The following TMEM38A variants were observed in gnomAD, a reference collection of about 807,000 sequenced individuals.
The protein encoded by TMEM38A is transmembrane protein 38A, also known as trimeric intracellular cation channel type A.
Under a neutral mutation model 28.6 loss-of-function variants are expected in TMEM38A, and 17 were observed. The ratio of observed to expected loss-of-function variants is 0.60; its 90% CI spans 0.41 to 0.89. The LOEUF (loss-of-function observed/expected upper bound fraction) is 0.89. TMEM38A is among the 40% of genes least tolerant of loss of function. TMEM38A has a pLI of 0.00. For synonymous variants in TMEM38A, 169 were observed against 166.1 expected (o/e 1.02, Z -0.14); for missense variants, 328 against 393.1 (o/e 0.83, Z 1.40).
At chr19:16,664,459 G>A (rs977810763) in intron 1 of TMEM38A, among the ~76,000 whole-genome samples, 5 of 152,164 alleles carry the variant, frequency 3.3e-5, no homozygotes, top group South Asian at 2.1e-4. Flanking sequence ...GTGAGGTGTC[G>A]GATTGAACTG....
intron 5 of TMEM38A, among the ~76,000 whole-genome samples, chr19:16,687,019 C>G (rs543855073): frequency 6.6e-6 from 1 of 152,270 alleles, no homozygotes; most frequent in South Asian, 2.1e-4. Flanking sequence ...AATGCAGTAC[C>G]ATAGACTGGG....
chr19:16,669,843 G>T (rs1238163381), intron 1 of TMEM38A, among the ~76,000 whole-genome samples: 2 of 152,186 alleles, frequency 1.3e-5, no homozygotes, highest in Non-Finnish European at 2.9e-5. Context: ...ATGAGGCATT[G>T]ACCCCTGAAA....
intron 1 of TMEM38A, among the ~76,000 whole-genome samples, chr19:16,668,134 G>A (rs1211492205): frequency 6.6e-6 from 1 of 152,048 alleles, no homozygotes; most frequent in East Asian, 1.9e-4. Context: ...ACTTAAACCT[G>A]CGAGGCGGAG....
At position 16,680,479 on chromosome 19, in the gene TMEM38A, A is replaced by T. The variant is rs769596795; in HGVS notation, c.364A>T (p.Lys122Ter). 10 of 1,614,002 alleles carry T rather than the reference A, an allele frequency of 6.2e-6. No individual in the cohort carries two copies. Among genetic ancestry groups the T allele is most frequent in the Non-Finnish European group, 8.5e-6 (10 of 1,180,028 alleles). The change falls in exon 3 of 6, where the codon AAG (lysine) becomes TAG (stop). Residue 122 changes from lysine (K) to a stop codon, truncating the protein, a stop_gained. Transcript: ENST00000187762. LOFTEE classifies it high-confidence loss of function. The part of the protein sequence containing the change: ...LPVKLIFVAM[K>*]EVVRVRKIAV... ...TGTGAAACTCATCTTCGTGGCCATGAAGGAGGTGGTGCGAGTCCGCAAGAT... is the reference window on the plus strand; with the variant it reads ...TGTGAAACTCATCTTCGTGGCCATGTAGGAGGTGGTGCGAGTCCGCAAGAT...
Position 16,686,197 on chromosome 19 carries a change from G to A in TMEM38A, c.555-91G>A, listed in dbSNP as rs1055967387. ...AGAAAAGAGAGAAGCTGGGATGGGA[G>A]CTGGTGCCAGGGCAGGGGGGTGTCT... On this transcript the variant is annotated intron_variant, in intron 4 of 5. Coordinates refer to ENST00000187762, the MANE Select transcript of TMEM38A (RefSeq NM_024074.4). 7.2e-6 allele frequency: 6 copies of A among 838,890 alleles called. No homozygotes were observed. In the African/African-American group the frequency reaches 1.0e-4, roughly 14 times the overall value. 52.0% of individuals were successfully genotyped at this position (838,890 alleles called of 1,614,324 possible). A position where few individuals can be genotyped will look rare whatever the true frequency, so the allele number is the denominator to read the frequency against.
rs768654488 is a variant in TMEM38A at position 16,680,470 on chromosome 19, G to A, written c.355G>A (p.Val119Met). ...VCFLPVKLIFVAMKEVVRVRK... is the reference protein window; with the variant it reads ...VCFLPVKLIFMAMKEVVRVRK... ...CTTCCTGCCTGTGAAACTCATCTTC[G>A]TGGCCATGAAGGAGGTGGTGCGAGT... Residue 119 changes from valine to methionine, a missense_variant, in exon 3 of 6, where the codon GTG becomes ATG. Physicochemically the swap from Val to Met is conservative, Grantham distance 21. Transcript: ENST00000187762. 24 of 1,613,970 alleles carry A rather than the reference G, an allele frequency of 1.5e-5. No homozygotes were observed. The Admixed American group carries it at 2.7e-4, about 18-fold the overall frequency.
chr19:16,687,074 C>A (rs2086804959), intron 5 of TMEM38A, among the ~76,000 whole-genome samples: 1 of 152,152 alleles, frequency 6.6e-6, no homozygotes, highest in African/African-American at 2.4e-5. Flanking sequence ...GGCACGGGGG[C>A]TCATGCCAAC....
chr19:16,680,341 C>T, intron 2 of TMEM38A, 56 bp from the exon 3 acceptor site: 2 of 1,593,524 alleles, frequency 1.3e-6, no homozygotes, highest in South Asian at 1.1e-5. Context: ...CAGCTCCCTA[C>T]CCCCATCCTT....
chr19:16,688,078 C>T, intron 5 of TMEM38A, 66 bp from the exon 6 acceptor site: 1 of 1,190,832 alleles, frequency 8.4e-7, no homozygotes. Context: ...CTGCCCTCCA[C>T]TCCTTTGCTT....
intron 1 of TMEM38A, among the ~76,000 whole-genome samples, chr19:16,673,441 CTG>C (rs1435212465): frequency 6.6e-6 from 1 of 152,190 alleles, no homozygotes; most frequent in African/African-American, 2.4e-5. Context: ...TACTAAGAGA[CTG>C]TTGATTTCAC....
In TMEM38A at chr19:16,661,724, C is replaced by T. The variant is rs974648709; in HGVS notation, c.124+383C>T. ...TCTGGCCGCGCGCAGGTGTGACCTC[C>T]CTCCTTGACCTTGGCACGCGGATTG... On this transcript the variant is annotated intron_variant, in intron 1 of 5. Transcript: ENST00000187762. The surrounding 1 kb of genome is among the most constrained non-coding windows in gnomAD (Gnocchi z 6.5). Among the ~76,000 whole-genome samples, 2 of 151,484 alleles carry T rather than the reference C, an allele frequency of 1.3e-5. No homozygotes were observed. Among genetic ancestry groups the T allele is most frequent in the Non-Finnish European group, 2.9e-5 (2 of 67,992 alleles).
chr19:16,685,087 A>AAATAAATAAAT (rs1568317225), intron 4 of TMEM38A, among the ~76,000 whole-genome samples: 4 of 103,284 alleles, frequency 3.9e-5, no homozygotes, highest in African/African-American at 2.5e-4. Flanking sequence ...AATAAATAAA[A>AAATAAATAAAT]CGAAATCAGC....
chr19:16,663,590 G>A (rs1461309413), intron 1 of TMEM38A, among the ~76,000 whole-genome samples: 3 of 150,454 alleles, frequency 2.0e-5, no homozygotes, highest in Non-Finnish European at 4.4e-5. Context: ...GTGCGGTGGC[G>A]CCGCCTCTGC....
intron 1 of TMEM38A, among the ~76,000 whole-genome samples, chr19:16,676,087 G>A (rs1306188351): frequency 6.7e-6 from 1 of 149,696 alleles, no homozygotes; most frequent in African/African-American, 2.6e-5. Flanking sequence ...TTGGCCGGGC[G>A]CGGTGGCTCA....
chr19:16,682,325 A>G, intron 3 of TMEM38A, 96 bp from the exon 4 acceptor site: 1 of 962,130 alleles, frequency 1.0e-6, no homozygotes. Context: ...TCTAGAGAAG[A>G]TTCTGGGAGT....
chr19:16,685,950 G>C (rs2086799895), intron 4 of TMEM38A, among the ~76,000 whole-genome samples: 1 of 152,184 alleles, frequency 6.6e-6, no homozygotes, highest in South Asian at 2.1e-4. Context: ...ATCACTTGAG[G>C]CCAGGAGTTC....
intron 1 of TMEM38A, among the ~76,000 whole-genome samples, chr19:16,671,420 C>G (rs113321467): frequency 6.6e-6 from 1 of 151,954 alleles, no homozygotes; most frequent in Non-Finnish European, 1.5e-5. Flanking sequence ...CCAGGCTGGT[C>G]TCAAACTCAA....
rs777613709 is a variant in TMEM38A at position 16,680,497 on chromosome 19, C to T, written c.382C>T (p.Arg128Cys). Residue 128 changes from arginine to cysteine, a missense_variant, in exon 3 of 6, where the codon CGC becomes TGC. By Grantham distance (180) the Arg-to-Cys change is radical. Transcript: ENST00000187762. ...GGCCATGAAGGAGGTGGTGCGAGTC[C>T]GCAAGATCGCGGTGGGCATCCATCA... ...FVAMKEVVRV[R>C]KIAVGIHHAH... 4.0e-5 allele frequency: 65 copies of T among 1,614,058 alleles called. No homozygotes were observed. The highest frequency in any genetic ancestry group is 5.5e-5 in the Non-Finnish European group (65 of 1,180,046).
At chr19:16,665,075 A>T (rs2086697537) in intron 1 of TMEM38A, among the ~76,000 whole-genome samples, 1 of 152,196 alleles carries the variant, frequency 6.6e-6, no homozygotes, top group Non-Finnish European at 1.5e-5. Context: ...TGGGCAGATC[A>T]CCTGAGGTCG....
Sources: gnomAD v4.1 joint callset for allele counts (sites outside exome capture counted in the v4.1 genomes callset) on GRCh38, gnomAD v4.1.1 for gene constraint, Gnocchi (gnomAD v3.1) non-coding constraint, MANE v1.5 for transcripts, NCBI Gene and HGNC (gene_info 2026-07-23, HGNC 2026-07-21) for gene names.